FRMD4B: variants seen among roughly 807,000 people sequenced by gnomAD.
The protein encoded by FRMD4B is FERM domain-containing protein 4B.
Under a neutral mutation model 141.5 loss-of-function variants are expected in FRMD4B, and 74 were observed. The observed-to-expected ratio is 0.52, with a 90% CI of 0.43 to 0.63. FRMD4B has a LOEUF of 0.63. Ranked by LOEUF, FRMD4B falls within the 30% of genes least tolerant of loss-of-function variation. The pLI is 0.00. For synonymous variants in FRMD4B, 506 were observed against 467.9 expected, an observed-to-expected ratio of 1.08 and a Z score of -1.05; for missense variants, 1,366 against 1,253.4, an observed-to-expected ratio of 1.09 and a Z score of -1.36.
intron 1 of FRMD4B, among the ~76,000 whole-genome samples, chr3:69,471,219 G>A (rs563255310): frequency 4.6e-5 from 7 of 152,092 alleles, no homozygotes; most frequent in Admixed American, 2.0e-4. Flanking sequence ...CAAATAGACC[G>A]GGCTAAGTCC....
At chr3:69,333,663 T>C (rs1702451255) in intron 1 of FRMD4B, among the ~76,000 whole-genome samples, 1 of 152,258 alleles carries the variant, frequency 6.6e-6, no homozygotes, top group South Asian at 2.1e-4. Flanking sequence ...GCAATTAGTC[T>C]ATTTTATCAT....
At chr3:69,346,701 C>T (rs927502884) in intron 1 of FRMD4B, among the ~76,000 whole-genome samples, 15 of 152,078 alleles carry the variant, frequency 9.9e-5, no homozygotes, top group African/African-American at 1.4e-4. Flanking sequence ...AAAAGAATTT[C>T]CAACCCAGAA....
At chr3:69,188,559 C>T (rs1484525505) in intron 18 of FRMD4B, among the ~76,000 whole-genome samples, 1 of 150,806 alleles carries the variant, frequency 6.6e-6, no homozygotes, top group Non-Finnish European at 1.5e-5. Context: ...AGATCGAGAC[C>T]ATCCTGGCTA....
In FRMD4B at chr3:69,467,321, G is replaced by A. The variant is rs182895767; in HGVS notation, c.-128-34560C>T. The stretch of plus-strand genomic sequence containing the variant: ...TTATTAAGAGAGCTAGCATTTGAGC[G>A]GTAACTGGCATGATTTGGACCCAAA... On this transcript the variant is annotated intron_variant, in intron 1 of 5. Coordinates refer to the FRMD4B transcript ENST00000459638. Among the ~76,000 whole-genome samples the A allele has an allele frequency of 1.8e-3, 269 of 152,206 alleles. 6 individuals carry two copies. Among genetic ancestry groups the A allele is most frequent in the East Asian group, 5.0e-3 (26 of 5,176 alleles).
chr3:69,304,483 C>CAAAAAA (rs1313360753), intron 3 of FRMD4B, among the ~76,000 whole-genome samples: 2 of 67,600 alleles, frequency 3.0e-5, no homozygotes, highest in African/African-American at 5.3e-5. Flanking sequence ...GATTCTATCT[C>CAAAAAA]AAAAAAAAAA....
At chr3:69,368,304 A>G (rs191958387) in intron 1 of FRMD4B, among the ~76,000 whole-genome samples, 65 of 152,338 alleles carry the variant, frequency 4.3e-4, no homozygotes, top group African/African-American at 1.5e-3. Context: ...CCTGACTCCA[A>G]TATCCTTAGC....
chr3:69,439,462 G>A (rs1275912834), intron 1 of FRMD4B, among the ~76,000 whole-genome samples: 1 of 152,154 alleles, frequency 6.6e-6, no homozygotes, highest in African/African-American at 2.4e-5. Flanking sequence ...ATCCTCCAAG[G>A]TATTATTTGG....
chr3:69,254,242 T>C (rs12152375), intron 5 of FRMD4B, among the ~76,000 whole-genome samples: 31,338 of 151,894 alleles, frequency 0.21, 3,487 homozygotes, highest in Non-Finnish European at 0.25. Flanking sequence ...GTAGCTGGGA[T>C]TACAGGGGCC....
At chr3:69,437,884 T>A (rs1705284967) in intron 1 of FRMD4B, among the ~76,000 whole-genome samples, 1 of 131,946 alleles carries the variant, frequency 7.6e-6, no homozygotes, top group Non-Finnish European at 1.5e-5. Context: ...GTAGTATATA[T>A]ACTATATAAT....
chr3:69,228,524 T>C, intron 7 of FRMD4B: 1 of 446,720 alleles, frequency 2.2e-6, no homozygotes, highest in South Asian at 1.6e-5. Context: ...AGATCAAAAC[T>C]TTAATTTATC....
At chr3:69,483,153 T>C (rs1575586649) in intron 1 of FRMD4B, among the ~76,000 whole-genome samples, 1 of 152,210 alleles carries the variant, frequency 6.6e-6, no homozygotes, top group Non-Finnish European at 1.5e-5. Context: ...TACCAGATGT[T>C]CCAAAAGTAC....
intron 1 of FRMD4B, among the ~76,000 whole-genome samples, chr3:69,516,666 T>G (rs1700762669): frequency 2.0e-5 from 3 of 152,222 alleles, no homozygotes; most frequent in Admixed American, 6.5e-5. Context: ...TTGTGGTAAT[T>G]TGTCATGGTA....
At chr3:69,349,297 C>T (rs1703054108) in intron 1 of FRMD4B, among the ~76,000 whole-genome samples, 1 of 152,172 alleles carries the variant, frequency 6.6e-6, no homozygotes, top group African/African-American at 2.4e-5. Flanking sequence ...AGGAGAACTA[C>T]AAACCACTGC....
chr3:69,515,398 T>C (rs1024282947), intron 1 of FRMD4B, among the ~76,000 whole-genome samples: 1 of 152,232 alleles, frequency 6.6e-6, no homozygotes, highest in African/African-American at 2.4e-5. Context: ...TCCACCTTCT[T>C]AAGACTGCAG....
intron 5 of FRMD4B, among the ~76,000 whole-genome samples, chr3:69,284,248 A>G (rs1422933838): frequency 1.3e-5 from 2 of 152,178 alleles, no homozygotes; most frequent in East Asian, 3.9e-4. Flanking sequence ...GAAGAGAGAG[A>G]ACCCCTGAAA....
At chr3:69,403,245 C>T (rs1165644281) in intron 2 of FRMD4B, among the ~76,000 whole-genome samples, 1 of 152,158 alleles carries the variant, frequency 6.6e-6, no homozygotes, top group East Asian at 1.9e-4. Context: ...TCCTGATATT[C>T]CTTAGAAAAG....
chr3:69,343,636 G>C, intron 1 of FRMD4B, among the ~76,000 whole-genome samples: 1 of 142,598 alleles, frequency 7.0e-6, no homozygotes, highest in Non-Finnish European at 1.5e-5. Context: ...CTGAAGTGCA[G>C]TGGTGTGATC....
At chr3:69,349,456 A>G (rs1291507605) in intron 1 of FRMD4B, among the ~76,000 whole-genome samples, 1 of 152,236 alleles carries the variant, frequency 6.6e-6, no homozygotes, top group Non-Finnish European at 1.5e-5. Context: ...CTTTCTTCAC[A>G]GAATTGGAAA....
intron 7 of FRMD4B, among the ~76,000 whole-genome samples, chr3:69,248,315 G>A (rs1180261059): frequency 3.3e-5 from 5 of 152,118 alleles, no homozygotes; most frequent in Non-Finnish European, 7.3e-5. Flanking sequence ...ATTGTGGTGA[G>A]GAATCATGGT....
Sources: allele counts gnomAD v4.1 joint callset (sites outside exome capture counted in the v4.1 genomes callset), GRCh38; gene constraint gnomAD v4.1.1; transcripts MANE v1.5; gene names NCBI Gene and HGNC (gene_info 2026-07-23, HGNC 2026-07-21).